ERICH6B: variants seen among roughly 807,000 people sequenced by gnomAD.
The protein encoded by ERICH6B is glutamate rich 6B.
A neutral mutation model predicts 80.0 loss-of-function variants in ERICH6B; 69 were observed. The ratio of observed to expected loss-of-function variants is 0.86; its 90% CI spans 0.71 to 1.05. The LOEUF (loss-of-function observed/expected upper bound fraction) is 1.05. ERICH6B is among the 50% of genes least tolerant of loss of function. ERICH6B has a pLI of 0.00. For synonymous variants in ERICH6B, 283 were observed against 291.9 expected, an observed-to-expected ratio of 0.97 and a Z score of 0.31; for missense variants, 754 against 796.1, an observed-to-expected ratio of 0.95 and a Z score of 0.64.
rs75584238 is a variant in ERICH6B at position 45,563,184 on chromosome 13, A to G, written c.1249+543T>C. Among the ~76,000 whole-genome samples the G allele has an allele frequency of 6.8e-3, 1,029 of 152,114 alleles. 12 individuals carry two copies. The highest frequency in any genetic ancestry group is 0.024 in the African/African-American group (975 of 41,472). ...TGGTAAAGGAGCTATTTGTTTTCCAATTTTTGCATTAATATTCCTTTCCTG... is the reference window on the plus strand; with the variant it reads ...TGGTAAAGGAGCTATTTGTTTTCCAGTTTTTGCATTAATATTCCTTTCCTG... On this transcript the variant is annotated intron_variant, in intron 10 of 14. Coordinates refer to ENST00000298738, the MANE Select transcript of ERICH6B (RefSeq NM_182542.3).
intron 11 of ERICH6B, among the ~76,000 whole-genome samples, 171 bp downstream of exon 11, chr13:45,561,198 T>C (rs1489278534): frequency 6.6e-6 from 1 of 152,172 alleles, no homozygotes; most frequent in Non-Finnish European, 1.5e-5. Context: ...AAAATCCTAG[T>C]CAGTCTGCCA....
At chr13:45,610,933 G>T (rs968582281) in intron 1 of ERICH6B, among the ~76,000 whole-genome samples, 17 of 151,634 alleles carry the variant, frequency 1.1e-4, no homozygotes, top group Admixed American at 7.9e-4. Flanking sequence ...AAGGACAGGG[G>T]TTTCCTATAT....
In ERICH6B at chr13:45,556,002, C is replaced by A. The variant is rs7996187; in HGVS notation, c.1407+5367G>T. On this transcript the variant is annotated intron_variant, in intron 11 of 14. Coordinates refer to ENST00000298738, the MANE Select transcript of ERICH6B (RefSeq NM_182542.3). ...GCCCTTTCCCCAGGAGTCTCCATGG[C>A]TCACGCCCTCATTTCATACATGCCT... Among the ~76,000 whole-genome samples the A allele has an allele frequency of 5.4e-5, 8 of 147,756 alleles. No homozygotes were observed. In the East Asian group the frequency reaches 1.6e-3, roughly 30 times the overall value.
At chr13:45,566,930 T>A (rs1466221374) in intron 9 of ERICH6B, among the ~76,000 whole-genome samples, 1 of 152,200 alleles carries the variant, frequency 6.6e-6, no homozygotes, top group Non-Finnish European at 1.5e-5. Context: ...CATGAAAGCA[T>A]CTGGGAGGGA....
chr13:45,587,340 G>A (rs1306316545), intron 4 of ERICH6B, 108 bp from the exon 5 acceptor site: 1 of 893,038 alleles, frequency 1.1e-6, no homozygotes, highest in Non-Finnish European at 1.7e-6. Context: ...TCCAGACCCA[G>A]ATGATGGACA....
At chr13:45,550,919 TC>T (rs1874196637) in intron 11 of ERICH6B, among the ~76,000 whole-genome samples, 1 of 152,162 alleles carries the variant, frequency 6.6e-6, no homozygotes, top group South Asian at 2.1e-4. Context: ...AAAGACTATT[TC>T]CAGATAAGGT....
intron 4 of ERICH6B, among the ~76,000 whole-genome samples, chr13:45,588,886 C>T (rs977080317): frequency 2.6e-5 from 4 of 152,238 alleles, no homozygotes; most frequent in Admixed American, 6.5e-5. Flanking sequence ...CCATTGGATC[C>T]TGGATGCTGG....
chr13:45,580,080 G>A, intron 6 of ERICH6B, 106 bp from the exon 7 acceptor site: 1 of 987,962 alleles, frequency 1.0e-6, no homozygotes, highest in Non-Finnish European at 1.5e-6. Context: ...CTAGATATCT[G>A]GGAAGCCTCA....
intron 11 of ERICH6B, chr13:45,553,017 T>C: frequency 4.2e-6 from 1 of 237,484 alleles, no homozygotes; most frequent in South Asian, 4.5e-5. Flanking sequence ...CAGGTTTTAG[T>C]TCTCTTGTTG....
chr13:45,581,682 C>T (rs1225901481), intron 5 of ERICH6B, among the ~76,000 whole-genome samples: 1 of 152,208 alleles, frequency 6.6e-6, no homozygotes, highest in African/African-American at 2.4e-5. Flanking sequence ...TGGCCCATTC[C>T]ATTCTTAATA....
At chr13:45,586,376 T>C (rs1875901783) in intron 5 of ERICH6B, among the ~76,000 whole-genome samples, 1 of 152,216 alleles carries the variant, frequency 6.6e-6, no homozygotes, top group Non-Finnish European at 1.5e-5. Flanking sequence ...GAATCAGTGA[T>C]GGATCGATCC....
Position 45,603,935 on chromosome 13 carries a change from A to C in ERICH6B, c.-59+3629T>G, listed in dbSNP as rs559769527. 5.9e-5 allele frequency among the ~76,000 whole-genome samples: 9 copies of C among 152,332 alleles called. No individual in the cohort carries two copies. In the East Asian group the frequency reaches 1.7e-3, roughly 29 times the overall value. The stretch of plus-strand genomic sequence containing the variant: ...GGGCCCTGGCCAGCACACAGCGGGT[A>C]CGATGTGTGTTGAGTGAATGTGTGA... On this transcript the variant is annotated intron_variant, in intron 2 of 14. Transcript: ENST00000298738.
At chr13:45,580,021 C>G (rs1489483747) in intron 6 of ERICH6B, 47 bp from the exon 7 acceptor site, 2 of 1,398,728 alleles carry the variant, frequency 1.4e-6, no homozygotes, top group Admixed American at 2.0e-5. Flanking sequence ...GTATAGTGAA[C>G]TAGTCCAGAC....
intron 2 of ERICH6B, among the ~76,000 whole-genome samples, chr13:45,601,353 A>G (rs920100341): frequency 6.6e-6 from 1 of 152,204 alleles, no homozygotes; most frequent in Non-Finnish European, 1.5e-5. Flanking sequence ...GGAGTTCAAG[A>G]CGAGCCTTGG....
In ERICH6B at chr13:45,563,610, AC is replaced by A. The variant is rs1263902001; in HGVS notation, c.1249+116del. The A allele has an allele frequency of 8.5e-6, 8 of 935,688 alleles. No individual in the cohort carries two copies. The African/African-American group carries it at 1.3e-4, about 15-fold the overall frequency. The allele number at this position is 935,688 out of a possible 1,614,324, so 58.0% of individuals were successfully genotyped here. A position where few individuals can be genotyped will look rare whatever the true frequency, so the allele number is the denominator to read the frequency against. ...CCAGGACCACATCAGCCCTGTAGGC[AC>A]TGAAGTGAGTGAATGAGCCCTTCCA... is the stretch of plus-strand genomic sequence containing the variant. On this transcript the variant is annotated intron_variant, in intron 10 of 14. Transcript: ENST00000298738.
intron 7 of ERICH6B, among the ~76,000 whole-genome samples, chr13:45,577,640 G>T (rs1321752619): frequency 1.3e-5 from 2 of 151,930 alleles, no homozygotes; most frequent in Admixed American, 6.6e-5. Flanking sequence ...TAGGGACAGG[G>T]TCTCTCTCTG....
At chr13:45,568,285 A>G (rs1256515129) in intron 9 of ERICH6B, 30 bp downstream of exon 9, 20 of 1,513,000 alleles carry the variant, frequency 1.3e-5, no homozygotes, top group Non-Finnish European at 1.8e-5. Flanking sequence ...AAATCCACTG[A>G]CCAATCACTT....
intron 9 of ERICH6B, among the ~76,000 whole-genome samples, chr13:45,567,930 T>G (rs1874986936): frequency 6.6e-6 from 1 of 152,236 alleles, no homozygotes; most frequent in Non-Finnish European, 1.5e-5. Context: ...AGGTCTTGAT[T>G]CCCCAGTGTC....
intron 2 of ERICH6B, among the ~76,000 whole-genome samples, chr13:45,603,492 C>T (rs530748651): frequency 4.8e-4 from 73 of 152,322 alleles, no homozygotes; most frequent in African/African-American, 1.4e-3. Context: ...AATGTCCTCC[C>T]GACTCTTCTC....
Sources: gnomAD v4.1 joint callset for allele counts (sites outside exome capture counted in the v4.1 genomes callset) on GRCh38, gnomAD v4.1.1 for gene constraint, MANE v1.5 for transcripts, NCBI Gene and HGNC (gene_info 2026-07-23, HGNC 2026-07-21) for gene names.